Variants in RUNX2 observed in about 807,000 individuals in gnomAD.
The protein encoded by RUNX2 is RUNX family transcription factor 2.
A neutral mutation model predicts 51.7 loss-of-function variants in RUNX2; 10 were observed. The ratio of observed to expected loss-of-function variants is 0.19; its 90% CI spans 0.12 to 0.33. The LOEUF (loss-of-function observed/expected upper bound fraction) is 0.33, where lower values mean the gene tolerates loss of function less well. Ranked by LOEUF, RUNX2 falls within the 10% of genes least tolerant of loss-of-function variation. The probability of loss-of-function intolerance (pLI) is 1.00; values close to 1 mark genes in which losing one functional copy is unlikely to be tolerated. For synonymous variants in RUNX2, 276 were observed against 273.6 expected, an observed-to-expected ratio of 1.01 and a Z score of -0.09; for missense variants, 562 against 691.3, an observed-to-expected ratio of 0.81 and a Z score of 2.10.
At chr6:45,406,420 T>C (rs1267896761) in intron 2 of RUNX2, among the ~76,000 whole-genome samples, 2 of 152,138 alleles carry the variant, frequency 1.3e-5, no homozygotes, top group African/African-American at 4.8e-5. Flanking sequence ...ATATTCTTTT[T>C]ATAGTTGTTT....
chr6:45,482,873 G>A (rs1252361425), intron 5 of RUNX2, among the ~76,000 whole-genome samples: 4 of 152,122 alleles, frequency 2.6e-5, no homozygotes, highest in African/African-American at 9.7e-5. Context: ...CTTGATAAAC[G>A]CCGAATCTTA....
intron 7 of RUNX2, among the ~76,000 whole-genome samples, chr6:45,519,962 C>T (rs1801454786): frequency 6.6e-6 from 1 of 151,816 alleles, no homozygotes; most frequent in South Asian, 2.1e-4. Flanking sequence ...CGATTACAGA[C>T]TGGGATTACA....
intron 2 of RUNX2, among the ~76,000 whole-genome samples, chr6:45,396,312 A>G (rs947640527): frequency 6.6e-6 from 1 of 152,218 alleles, no homozygotes; most frequent in African/African-American, 2.4e-5. Context: ...TGTATAATTC[A>G]ATGGCTTTAG....
At chr6:45,480,675 C>T (rs1388483762) in intron 5 of RUNX2, among the ~76,000 whole-genome samples, 1 of 152,190 alleles carries the variant, frequency 6.6e-6, no homozygotes. Context: ...TTGAAAAGGT[C>T]TTAGACTAGA....
intron 6 of RUNX2, among the ~76,000 whole-genome samples, chr6:45,492,815 G>A (rs1384678439): frequency 3.3e-5 from 5 of 152,206 alleles, no homozygotes; most frequent in South Asian, 2.1e-4. Flanking sequence ...TTAAAGACTC[G>A]TTTGAATGCT....
intron 8 of RUNX2, among the ~76,000 whole-genome samples, chr6:45,546,621 G>C (rs909549223): frequency 9.2e-5 from 14 of 152,148 alleles, no homozygotes; most frequent in African/African-American, 3.1e-4. Context: ...CTCTGGGGGT[G>C]AAGAACTTAA....
At chr6:45,454,836 G>A (rs972495523) in intron 5 of RUNX2, among the ~76,000 whole-genome samples, 1 of 152,164 alleles carries the variant, frequency 6.6e-6, no homozygotes, top group Non-Finnish European at 1.5e-5. Flanking sequence ...GTCTCAGGCC[G>A]GGCATGCTGG....
intron 5 of RUNX2, among the ~76,000 whole-genome samples, chr6:45,471,095 G>A (rs573645704): frequency 2.0e-5 from 3 of 152,278 alleles, no homozygotes; most frequent in South Asian, 4.1e-4. Flanking sequence ...ATCTTGGGAC[G>A]TGGACACTTG....
chr6:45,541,971 G>A (rs892307819), intron 7 of RUNX2, among the ~76,000 whole-genome samples: 3 of 151,986 alleles, frequency 2.0e-5, no homozygotes, highest in Non-Finnish European at 4.4e-5. Flanking sequence ...TGTCAAACAG[G>A]TGTGACTGTT....
intron 7 of RUNX2, among the ~76,000 whole-genome samples, chr6:45,520,340 A>C (rs192406990): frequency 1.4e-3 from 215 of 152,296 alleles, no homozygotes; most frequent in African/African-American, 5.0e-3. Context: ...TTTTTAAATT[A>C]AATATTTTTT....
intron 2 of RUNX2, among the ~76,000 whole-genome samples, chr6:45,337,763 T>G (rs1788888288): frequency 6.6e-6 from 1 of 151,966 alleles, no homozygotes; most frequent in Admixed American, 6.6e-5. Flanking sequence ...CCTCCACTGT[T>G]GGTTGTTATG....
chr6:45,519,280 T>A (rs891894384), intron 7 of RUNX2, among the ~76,000 whole-genome samples: 2 of 152,218 alleles, frequency 1.3e-5, no homozygotes, highest in Non-Finnish European at 1.5e-5. Context: ...TGGAGCAGAA[T>A]GTATAGTTTC....
chr6:45,538,479 T>A (rs914695611), intron 7 of RUNX2, among the ~76,000 whole-genome samples: 1 of 151,986 alleles, frequency 6.6e-6, no homozygotes, highest in African/African-American at 2.4e-5. Context: ...AGATTACCAA[T>A]ATCTAAGCTG....
chr6:45,478,425 G>A (rs966621772), intron 5 of RUNX2, among the ~76,000 whole-genome samples: 1 of 152,124 alleles, frequency 6.6e-6, no homozygotes, highest in African/African-American at 2.4e-5. Flanking sequence ...TGACAGATGA[G>A]GAAGTTGAGT....
At chr6:45,517,895 A>G (rs905453073) in intron 7 of RUNX2, among the ~76,000 whole-genome samples, 1 of 152,190 alleles carries the variant, frequency 6.6e-6, no homozygotes, top group Admixed American at 6.5e-5. Context: ...AATGTCCCTT[A>G]TAACCCAGTC....
intron 2 of RUNX2, among the ~76,000 whole-genome samples, chr6:45,389,431 A>G: frequency 6.6e-6 from 1 of 152,226 alleles, no homozygotes; most frequent in East Asian, 1.9e-4. Flanking sequence ...ATATGTGTGT[A>G]GGTGATCAAG....
chr6:45,452,611 T>A (rs913011254), intron 5 of RUNX2, among the ~76,000 whole-genome samples: 4 of 152,214 alleles, frequency 2.6e-5, no homozygotes, highest in Non-Finnish European at 4.4e-5. Context: ...CTTTAAGCAC[T>A]CACTGATAGC....
At chr6:45,492,608 A>G (rs1388940385) in intron 6 of RUNX2, among the ~76,000 whole-genome samples, 1 of 152,236 alleles carries the variant, frequency 6.6e-6, no homozygotes, top group Non-Finnish European at 1.5e-5. Context: ...TCGGGCACAC[A>G]GAATTCACTT....
At chr6:45,459,903 T>C (rs532701816) in intron 5 of RUNX2, among the ~76,000 whole-genome samples, 1 of 152,228 alleles carries the variant, frequency 6.6e-6, no homozygotes, top group Non-Finnish European at 1.5e-5. Context: ...AATATCTAGG[T>C]AGCAGAATGT....
Sources: allele counts gnomAD v4.1 joint callset (sites outside exome capture counted in the v4.1 genomes callset), GRCh38; gene constraint gnomAD v4.1.1; transcripts MANE v1.5; gene names NCBI Gene and HGNC (gene_info 2026-07-23, HGNC 2026-07-21).